The following MACROD2 variants were observed in gnomAD, a reference collection of about 807,000 sequenced individuals.
MACROD2 encodes the protein mono-ADP ribosylhydrolase 2, also known as ADP-ribose glycohydrolase MACROD2.
MACROD2 carries 36 observed loss-of-function variants against 70.4 expected under a neutral mutation model. That is an observed-to-expected ratio of 0.51 (90% confidence interval 0.39 to 0.68). The LOEUF (loss-of-function observed/expected upper bound fraction) is 0.68, where lower values mean the gene tolerates loss of function less well. Ranked by LOEUF, MACROD2 falls within the 30% of genes least tolerant of loss-of-function variation. The pLI is 0.00. For synonymous variants in MACROD2, 172 were observed against 178.8 expected (o/e 0.96, Z 0.30); for missense variants, 496 against 538.4 (o/e 0.92, Z 0.78).
chr20:14,216,413 T>G (rs1447127406), intron 3 of MACROD2, among the ~76,000 whole-genome samples: 1 of 152,190 alleles, frequency 6.6e-6, no homozygotes, highest in African/African-American at 2.4e-5. Context: ...TATGGCCTTA[T>G]AGTATAGTTT....
At chr20:14,183,180 C>A (rs1004839178) in intron 3 of MACROD2, among the ~76,000 whole-genome samples, 1 of 151,134 alleles carries the variant, frequency 6.6e-6, no homozygotes, top group Non-Finnish European at 1.5e-5. Flanking sequence ...TCCCTCCTTC[C>A]ACTCTCCTCC....
intron 4 of MACROD2, among the ~76,000 whole-genome samples, chr20:14,516,864 A>G (rs1431295626): frequency 6.6e-6 from 1 of 152,216 alleles, no homozygotes; most frequent in Non-Finnish European, 1.5e-5. Context: ...AACCCCATCA[A>G]AAAGTGGACA....
At chr20:14,657,769 T>C (rs1986045067) in intron 4 of MACROD2, among the ~76,000 whole-genome samples, 1 of 152,168 alleles carries the variant, frequency 6.6e-6, no homozygotes. Context: ...AAATACATGA[T>C]AATTCTAGGG....
intron 3 of MACROD2, among the ~76,000 whole-genome samples, chr20:14,366,421 C>T (rs533234217): frequency 2.0e-5 from 3 of 146,400 alleles, no homozygotes; most frequent in South Asian, 4.3e-4. Flanking sequence ...AGGCTGGAGG[C>T]AGTGGCGCAA....
intron 8 of MACROD2, among the ~76,000 whole-genome samples, chr20:15,804,376 C>G (rs1166268561): frequency 2.0e-5 from 3 of 152,228 alleles, no homozygotes; most frequent in South Asian, 2.1e-4. Context: ...CTGCTTAATA[C>G]TTAACAGTTT....
chr20:15,395,764 T>C (rs574302531), intron 6 of MACROD2, among the ~76,000 whole-genome samples: 1 of 152,320 alleles, frequency 6.6e-6, no homozygotes, highest in South Asian at 2.1e-4. Flanking sequence ...AAGATGCCAA[T>C]AGGTTAATGT....
chr20:15,630,969 C>T (rs1230912187), intron 8 of MACROD2, among the ~76,000 whole-genome samples: 1 of 152,172 alleles, frequency 6.6e-6, no homozygotes, highest in African/African-American at 2.4e-5. Context: ...GAGGCATCTG[C>T]TTAACAGATC....
At chr20:15,442,935 C>T (rs1044017356) in intron 7 of MACROD2, among the ~76,000 whole-genome samples, 3 of 152,082 alleles carry the variant, frequency 2.0e-5, no homozygotes, top group Non-Finnish European at 1.5e-5. Context: ...GGCATAAGGA[C>T]AGTGATCTAT....
At chr20:15,344,135 T>A (rs2078138593) in intron 6 of MACROD2, among the ~76,000 whole-genome samples, 1 of 152,226 alleles carries the variant, frequency 6.6e-6, no homozygotes, top group Non-Finnish European at 1.5e-5. Context: ...ACATTCCAGA[T>A]GCAGATCCAG....
chr20:15,945,356 C>A (rs1349022064), intron 12 of MACROD2, among the ~76,000 whole-genome samples: 1 of 152,154 alleles, frequency 6.6e-6, no homozygotes, highest in Non-Finnish European at 1.5e-5. Flanking sequence ...CTAATTAATC[C>A]ATTTTAAAGC....
At chr20:14,519,101 G>GAGTA (rs1444019161) in intron 4 of MACROD2, among the ~76,000 whole-genome samples, 2 of 152,102 alleles carry the variant, frequency 1.3e-5, no homozygotes, top group Non-Finnish European at 2.9e-5. Context: ...AATGACTAAA[G>GAGTA]TACTAAGTTA....
At chr20:14,130,930 GTTTT>G (rs11087075) in intron 3 of MACROD2, among the ~76,000 whole-genome samples, 2 of 109,656 alleles carry the variant, frequency 1.8e-5, no homozygotes, top group Non-Finnish European at 3.7e-5. Context: ...TGTTTTTTTT[GTTTT>G]TTTTTTTTTT....
At chr20:14,956,240 G>A (rs76123380) in intron 5 of MACROD2, among the ~76,000 whole-genome samples, 5,430 of 152,194 alleles carry the variant, frequency 0.036, 344 homozygotes, top group African/African-American at 0.12. Context: ...AGGTGGTGAC[G>A]AACTGCAGCT....
intron 3 of MACROD2, among the ~76,000 whole-genome samples, chr20:14,243,786 A>G (rs1471029348): frequency 6.6e-6 from 1 of 152,212 alleles, no homozygotes; most frequent in Admixed American, 6.5e-5. Flanking sequence ...ACACCTGACA[A>G]TATATTATAT....
At chr20:15,317,636 C>T (rs893079107) in intron 6 of MACROD2, among the ~76,000 whole-genome samples, 1 of 151,842 alleles carries the variant, frequency 6.6e-6, no homozygotes, top group Non-Finnish European at 1.5e-5. Context: ...ATATAAGTTC[C>T]AGTCCAATGG....
rs746766812 is a variant in MACROD2, at chr20:15,312,045, TAAAG to T, written c.540+81986_540+81989del. 2.5e-3 allele frequency among the ~76,000 whole-genome samples: 377 copies of T among 152,096 alleles called. 1 individual carries two copies. Among genetic ancestry groups the T allele is most frequent in the African/African-American group, 7.1e-3 (293 of 41,490 alleles). ...AATAATCTAAATAAACAAAAAAAAT[TAAAG>T]AGAGATAAAGTGACTACATATAAAT... is the stretch of plus-strand genomic sequence containing the variant. On this transcript the variant is annotated intron_variant, in intron 6 of 17. Coordinates refer to ENST00000684519, the MANE Select transcript of MACROD2 (RefSeq NM_001351661.2).
At chr20:15,262,184 A>T (rs758265453) in intron 6 of MACROD2, among the ~76,000 whole-genome samples, 6 of 151,674 alleles carry the variant, frequency 4.0e-5, no homozygotes, top group Non-Finnish European at 8.9e-5. Context: ...TTAACCATCC[A>T]CACTTCCCCC....
At chr20:14,465,152 A>T (rs897007324) in intron 3 of MACROD2, among the ~76,000 whole-genome samples, 2 of 151,994 alleles carry the variant, frequency 1.3e-5, no homozygotes, top group Non-Finnish European at 2.9e-5. Context: ...GTCTCCCATT[A>T]TTAATGTGTG....
At chr20:14,417,440 A>T (rs1007142025) in intron 3 of MACROD2, among the ~76,000 whole-genome samples, 3 of 152,176 alleles carry the variant, frequency 2.0e-5, no homozygotes, top group African/African-American at 7.2e-5. Context: ...GTCAATGCTT[A>T]CCTGATCACC....
Sources: allele counts gnomAD v4.1 joint callset (sites outside exome capture counted in the v4.1 genomes callset), GRCh38; gene constraint gnomAD v4.1.1; transcripts MANE v1.5; gene names NCBI Gene and HGNC (gene_info 2026-07-23, HGNC 2026-07-21).